The following PLEKHD1 variants were observed in gnomAD, a reference collection of about 807,000 sequenced individuals.
PLEKHD1 encodes the protein pleckstrin homology domain-containing family D member 1.
A neutral mutation model predicts 69.2 loss-of-function variants in PLEKHD1; 51 were observed. That is an observed-to-expected ratio of 0.74 (90% CI 0.59 to 0.93). PLEKHD1 has a LOEUF of 0.93. PLEKHD1 is among the 40% of genes least tolerant of loss of function. The pLI is 0.00. For missense variants in PLEKHD1, 584 were observed against 641.0 expected (o/e 0.91, Z 0.96); for synonymous variants, 236 against 244.7 (o/e 0.96, Z 0.33).
intron 7 of PLEKHD1, 97 bp from the exon 8 acceptor site, chr14:69,524,132 C>A: frequency 1.0e-6 from 1 of 985,552 alleles, no homozygotes; most frequent in Non-Finnish European, 1.5e-6. Context: ...TCCTGAGCCC[C>A]ATCAGGAAGT....
At chr14:69,491,852 A>C (rs1236489024) in intron 1 of PLEKHD1, among the ~76,000 whole-genome samples, 1 of 152,152 alleles carries the variant, frequency 6.6e-6, no homozygotes, top group East Asian at 1.9e-4. Flanking sequence ...TCTGTGACCC[A>C]AGCTAGAGTC....
intron 1 of PLEKHD1, among the ~76,000 whole-genome samples, chr14:69,497,062 C>T (rs985962713): frequency 6.6e-6 from 1 of 152,136 alleles, no homozygotes; most frequent in Non-Finnish European, 1.5e-5. Context: ...TGGAGACAGT[C>T]GTGTGCTGCT....
the PLEKHD1 span, among the ~76,000 whole-genome samples, chr14:69,469,186 A>T: frequency 6.6e-6 from 1 of 152,088 alleles, no homozygotes; most frequent in South Asian, 2.1e-4. Flanking sequence ...ACACAGAGAG[A>T]GAGAGAGAGA....
At chr14:69,526,575 G>T in intron 9 of PLEKHD1, 122 bp from the exon 10 acceptor site, 1 of 1,246,338 alleles carries the variant, frequency 8.0e-7, no homozygotes, top group Non-Finnish European at 1.1e-6. Context: ...ACAAAGTTCA[G>T]GGGCTCATAA....
intron 6 of PLEKHD1, among the ~76,000 whole-genome samples, chr14:69,521,086 C>T (rs535437297): frequency 2.3e-4 from 35 of 152,272 alleles, no homozygotes; most frequent in Non-Finnish European, 2.9e-4. Flanking sequence ...GAGCTATGAT[C>T]GTGCCACTGC....
chr14:69,519,289 T>C (rs530862300), intron 6 of PLEKHD1, among the ~76,000 whole-genome samples: 1 of 151,654 alleles, frequency 6.6e-6, no homozygotes, highest in South Asian at 2.1e-4. Flanking sequence ...TGTTCAGGGG[T>C]GAAATGGGCT....
chr14:69,517,038 G>T (rs768229394), intron 6 of PLEKHD1, among the ~76,000 whole-genome samples: 5 of 152,024 alleles, frequency 3.3e-5, no homozygotes, highest in Non-Finnish European at 7.4e-5. Context: ...CAGGTGGGAG[G>T]CCACTGCATT....
At chr14:69,470,001 C>T in the PLEKHD1 span, among the ~76,000 whole-genome samples, 11 of 151,836 alleles carry the variant, frequency 7.2e-5, no homozygotes, top group Non-Finnish European at 1.3e-4. Context: ...GGATTACAGG[C>T]GTGAGCCACC....
In PLEKHD1 at chr14:69,526,798, C is replaced by T; in HGVS notation, c.1025C>T (p.Ala342Val). The change falls in exon 10 of 13, where the codon GCA (alanine) becomes GTA (valine). Residue 342 changes from alanine to valine, a missense_variant. Coordinates refer to ENST00000322564, the MANE Select transcript of PLEKHD1 (RefSeq NM_001161498.2). ...ALQNSLQELTAEKQQAERELK... is the reference protein window; with the variant it reads ...ALQNSLQELTVEKQQAERELK... Reference sequence around the variant, plus strand: ...CAGAACTCGCTGCAGGAGCTGACGGCAGAGAAGCAGCAGGCTGAGCGGGAG... The same window carrying T: ...CAGAACTCGCTGCAGGAGCTGACGGTAGAGAAGCAGCAGGCTGAGCGGGAG... 6.5e-7 allele frequency: 1 copy of T among 1,549,594 alleles called. No individual in the cohort carries two copies.
At chr14:69,499,733 G>A (rs899327700) in intron 1 of PLEKHD1, among the ~76,000 whole-genome samples, 9 of 152,222 alleles carry the variant, frequency 5.9e-5, no homozygotes, top group Admixed American at 1.3e-4. Context: ...ATCTTCTTGC[G>A]TTCCTTTTCC....
At chr14:69,483,422 G>T (rs1882582233), upstream of PLEKHD1, among the ~76,000 whole-genome samples, 1 of 152,048 alleles carries the variant, frequency 6.6e-6, no homozygotes, top group Non-Finnish European at 1.5e-5. Flanking sequence ...TACATTCAAA[G>T]ACTTAAGTCT....
At chr14:69,508,576 G>A (rs111303215) in intron 6 of PLEKHD1, among the ~76,000 whole-genome samples, 2 of 152,050 alleles carry the variant, frequency 1.3e-5, no homozygotes, top group Non-Finnish European at 2.9e-5. Flanking sequence ...CACCATGCAC[G>A]GCTAATTTTT....
chr14:69,482,140 C>G (rs769511533), upstream of PLEKHD1, among the ~76,000 whole-genome samples: 30 of 152,208 alleles, frequency 2.0e-4, no homozygotes, highest in Non-Finnish European at 3.7e-4. Flanking sequence ...TCTATTCATA[C>G]GTCCTGTATG....
intron 1 of PLEKHD1, among the ~76,000 whole-genome samples, chr14:69,492,927 A>C (rs969073537): frequency 6.6e-6 from 1 of 151,982 alleles, no homozygotes; most frequent in African/African-American, 2.4e-5. Context: ...GAGCTACCAT[A>C]CCCAGCTAAT....
At chr14:69,510,251 T>C (rs12589101) in intron 6 of PLEKHD1, among the ~76,000 whole-genome samples, 14,898 of 152,232 alleles carry the variant, frequency 0.098, 1,246 homozygotes, top group African/African-American at 0.23. Context: ...GGGATTTTAA[T>C]TGAGATTGTA....
At chr14:69,476,257 C>CAAAA in the PLEKHD1 span, among the ~76,000 whole-genome samples, 5,037 of 76,904 alleles carry the variant, frequency 0.065, 347 homozygotes, top group East Asian at 0.13. Flanking sequence ...GACTCTGTCT[C>CAAAA]AAAAAAAAAA....
At chr14:69,502,968 C>G (rs1883064090) in intron 6 of PLEKHD1, 89 bp downstream of exon 6, 3 of 1,474,308 alleles carry the variant, frequency 2.0e-6, no homozygotes, top group East Asian at 2.5e-5. Flanking sequence ...GCTGGGTGCA[C>G]AGAGGACTTG....
intron 1 of PLEKHD1, among the ~76,000 whole-genome samples, chr14:69,492,414 G>A (rs1402406475): frequency 1.3e-5 from 2 of 152,154 alleles, no homozygotes; most frequent in East Asian, 3.8e-4. Context: ...AACTTACAAT[G>A]TTGCAATATA....
At chr14:69,527,379 C>G (rs1883680169) in intron 11 of PLEKHD1, 47 bp downstream of exon 11, 2 of 1,549,584 alleles carry the variant, frequency 1.3e-6, no homozygotes, top group Non-Finnish European at 1.7e-6. Context: ...GCACTCAGCC[C>G]CAGATGGGAT....
Sources: gnomAD v4.1 joint callset for allele counts (sites outside exome capture counted in the v4.1 genomes callset) on GRCh38, gnomAD v4.1.1 for gene constraint, MANE v1.5 for transcripts, NCBI Gene and HGNC (gene_info 2026-07-23, HGNC 2026-07-21) for gene names.